Variants in ANKRD17 observed in about 807,000 individuals in gnomAD.
The protein encoded by ANKRD17 is ankyrin repeat domain-containing protein 17.
Under a neutral mutation model 229.7 loss-of-function variants are expected in ANKRD17, and 19 were observed. The observed-to-expected ratio is 0.08, with a 90% CI of 0.06 to 0.12. The LOEUF is 0.12. ANKRD17 is among the 10% of genes least tolerant of loss of function. The probability of loss-of-function intolerance (pLI) is 1.00; values close to 1 mark genes in which losing one functional copy is unlikely to be tolerated. For synonymous variants in ANKRD17, 1,112 were observed against 1,146.1 expected (o/e 0.97, Z 0.60); for missense variants, 2,176 against 3,176.8 (o/e 0.68, Z 7.57).
chr4:73,116,616 A>C (rs887282931), intron 22 of ANKRD17, among the ~76,000 whole-genome samples: 1 of 152,094 alleles, frequency 6.6e-6, no homozygotes, highest in Non-Finnish European at 1.5e-5. Flanking sequence ...CATGTTTCTA[A>C]ACTTTTCTCT....
At chr4:73,207,616 A>C (rs554734462) in intron 1 of ANKRD17, among the ~76,000 whole-genome samples, 33 of 152,226 alleles carry the variant, frequency 2.2e-4, no homozygotes, top group Non-Finnish European at 3.2e-4. Flanking sequence ...ATGCTGGTAG[A>C]GCTATTATCA....
intron 24 of ANKRD17, chr4:73,102,823 C>T (rs555692785): frequency 4.7e-5 from 14 of 300,618 alleles, no homozygotes; most frequent in African/African-American, 1.1e-4. Context: ...TAAGTTGAAC[C>T]GACAAAATAC....
chr4:73,258,772 GCCGCCA>G lies in ANKRD17; in HGVS notation c.-110_-105del. 7.6e-7 allele frequency: 1 copy of G among 1,309,970 alleles called. No individual in the cohort carries two copies. The highest frequency in any genetic ancestry group is 1.8e-5 in the South Asian group (1 of 54,628). The allele number at this position is 1,309,970 out of a possible 1,614,324, so 81.1% of individuals were successfully genotyped here. A position where few individuals can be genotyped will look rare whatever the true frequency, so the allele number is the denominator to read the frequency against. ...CGACACAGCAATCGGTGCCGCCTCC[GCCGCCA>G]CCGCCTCGGTCACCTCTACTGCCGC... On this transcript the variant is annotated 5_prime_UTR_variant, in exon 1 of 34. Coordinates refer to ENST00000358602, the MANE Select transcript of ANKRD17 (RefSeq NM_032217.5).
intron 1 of ANKRD17, among the ~76,000 whole-genome samples, chr4:73,249,656 C>T (rs999974168): frequency 1.3e-5 from 2 of 152,200 alleles, no homozygotes; most frequent in Non-Finnish European, 2.9e-5. Flanking sequence ...GAGTTCGAGA[C>T]CAGCCTGACT....
At chr4:73,219,533 A>C (rs1200268941) in intron 1 of ANKRD17, among the ~76,000 whole-genome samples, 2 of 152,340 alleles carry the variant, frequency 1.3e-5, no homozygotes, top group South Asian at 4.1e-4. Flanking sequence ...TTTAAAAAAC[A>C]AAAACAGCTA....
chr4:73,085,682 C>CAA (rs756555808), intron 29 of ANKRD17, among the ~76,000 whole-genome samples: 2 of 89,556 alleles, frequency 2.2e-5, no homozygotes, highest in African/African-American at 8.5e-5. Flanking sequence ...GACCCCACCT[C>CAA]AAAAAAAAAA....
chr4:73,252,035 A>C (rs1430667108), intron 1 of ANKRD17, among the ~76,000 whole-genome samples: 1 of 152,232 alleles, frequency 6.6e-6, no homozygotes, highest in Non-Finnish European at 1.5e-5. Flanking sequence ...AGCTGCAACC[A>C]AGTTCTGTTA....
intron 1 of ANKRD17, among the ~76,000 whole-genome samples, chr4:73,212,232 G>A (rs1281109554): frequency 2.1e-4 from 31 of 149,862 alleles, no homozygotes; most frequent in Non-Finnish European, 1.2e-4. Flanking sequence ...TTGAGTCACT[G>A]AAGATACCAA....
intron 16 of ANKRD17, among the ~76,000 whole-genome samples, chr4:73,132,109 G>GT (rs767522435): frequency 0.02 from 2,809 of 140,084 alleles, 66 homozygotes; most frequent in African/African-American, 0.059. Flanking sequence ...AAAACTAGTT[G>GT]TTTTTTTTTT....
At chr4:73,106,359 TATAAG>T (rs1232112930) in intron 24 of ANKRD17, among the ~76,000 whole-genome samples, 3 of 152,300 alleles carry the variant, frequency 2.0e-5, no homozygotes, top group Non-Finnish European at 2.9e-5. Context: ...AGTTAGGCTT[TATAAG>T]ATAAGAATTT....
chr4:73,182,440 C>T (rs1735707036), intron 1 of ANKRD17, among the ~76,000 whole-genome samples: 4 of 152,116 alleles, frequency 2.6e-5, no homozygotes, highest in Non-Finnish European at 4.4e-5. Flanking sequence ...CACCAAGAGA[C>T]CAGTTATCCA....
rs1553917395 is a variant in ANKRD17, at chr4:73,120,552, A to AG, written c.3850-216_3850-215insC. Among the ~76,000 whole-genome samples, 23 of 151,522 alleles carry AG rather than the reference A, an allele frequency of 1.5e-4. 1 individual carries two copies. The highest frequency in any genetic ancestry group is 2.8e-4 in the Non-Finnish European group (19 of 67,834). The stretch of plus-strand genomic sequence containing the variant: ...TCTCAACGGTATTGCAAAAAAAAAA[A>AG]AAAGAAAGAAAGAAAAAAAAATCTG... On this transcript the variant is annotated intron_variant, in intron 20 of 33. Coordinates refer to ENST00000358602, the MANE Select transcript of ANKRD17 (RefSeq NM_032217.5).
intron 26 of ANKRD17, 38 bp downstream of exon 26, chr4:73,098,035 T>A: frequency 6.6e-7 from 1 of 1,523,190 alleles, no homozygotes; most frequent in East Asian, 2.3e-5. Context: ...TATTTCATGA[T>A]GACACTATAA....
intron 1 of ANKRD17, among the ~76,000 whole-genome samples, chr4:73,215,533 T>C (rs1485334828): frequency 6.6e-6 from 1 of 152,174 alleles, no homozygotes; most frequent in Non-Finnish European, 1.5e-5. Context: ...GCTGGGATTA[T>C]AGGTGTGGGC....
rs186408035 is a variant in ANKRD17 at position 73,191,218 on chromosome 4, G to C, written c.394-13685C>G. On this transcript the variant is annotated intron_variant, in intron 1 of 33. Transcript: ENST00000358602. Reference sequence around the variant, plus strand: ...TTGAATCCAGAACATATATATATGGGACTTATAAAGTGTGATAAAGGTAAG... The same window carrying C: ...TTGAATCCAGAACATATATATATGGCACTTATAAAGTGTGATAAAGGTAAG... 1.1e-3 allele frequency among the ~76,000 whole-genome samples: 163 copies of C among 152,182 alleles called. 2 individuals carry two copies. The highest frequency in any genetic ancestry group is 3.6e-3 in the African/African-American group (149 of 41,506).
chr4:73,110,011 CAAAAAAAAAAAAAAA>C (rs1175850592), intron 24 of ANKRD17, among the ~76,000 whole-genome samples: 1 of 33,220 alleles, frequency 3.0e-5, no homozygotes, highest in Non-Finnish European at 5.1e-5. Flanking sequence ...AAAAGTTTAC[CAAAAAAAAAAAAAAA>C]AAAAAAAAAG....
intron 10 of ANKRD17, among the ~76,000 whole-genome samples, chr4:73,145,694 C>A (rs922947820): frequency 6.6e-6 from 1 of 152,020 alleles, no homozygotes. Context: ...ACAGTTCTTA[C>A]ACTGAAGAAG....
intron 9 of ANKRD17, 84 bp downstream of exon 9, chr4:73,147,157 T>C (rs1730394701): frequency 8.6e-6 from 11 of 1,285,374 alleles, no homozygotes; most frequent in Non-Finnish European, 9.6e-6. Context: ...CAGTGTATCA[T>C]AGCATCATAA....
At chr4:73,147,721 T>TTA (rs905721152) in intron 8 of ANKRD17, among the ~76,000 whole-genome samples, 1 of 152,052 alleles carries the variant, frequency 6.6e-6, no homozygotes, top group African/African-American at 2.4e-5. Context: ...CATCCTCTCA[T>TTA]TATAGTGATT....
Sources: allele counts gnomAD v4.1 joint callset (sites outside exome capture counted in the v4.1 genomes callset), GRCh38; gene constraint gnomAD v4.1.1; transcripts MANE v1.5; gene names NCBI Gene and HGNC (gene_info 2026-07-23, HGNC 2026-07-21).